ERG28: variants seen among roughly 807,000 people sequenced by gnomAD.
The protein encoded by ERG28 is ergosterol biosynthetic protein 28 homolog.
In ERG28, 9 loss-of-function variants were observed where a neutral mutation model predicts 15.7. The ratio of observed to expected loss-of-function variants is 0.57; its 90% confidence interval spans 0.35 to 1.00. ERG28 has a LOEUF of 1.00. Among genes scored for constraint, ERG28 ranks in the 50% least tolerant of loss-of-function variants. ERG28 has a pLI of 0.02. For synonymous variants in ERG28, 61 were observed against 68.4 expected, an observed-to-expected ratio of 0.89 and a Z score of 0.53; for missense variants, 117 against 173.3, an observed-to-expected ratio of 0.68 and a Z score of 1.82.
intron 1 of ERG28, among the ~76,000 whole-genome samples, chr14:75,658,887 C>A (rs942020421): frequency 2.4e-4 from 37 of 152,084 alleles, no homozygotes; most frequent in African/African-American, 8.9e-4. Context: ...GATAAAGCCT[C>A]TTTTCCTTTT....
chr14:75,652,136 C>T (rs1890534277), intron 3 of ERG28, among the ~76,000 whole-genome samples: 1 of 152,232 alleles, frequency 6.6e-6, no homozygotes, highest in Non-Finnish European at 1.5e-5. Flanking sequence ...ACGTCCAGGT[C>T]TCAGCAAAGT....
rs557219772 is a variant in ERG28, at chr14:75,658,962, T to C, written c.-31-1429A>G. ...GAGTTTAGGACTAGTAAGAAAATTA[T>C]ATAGCGAAGGAAACAGCAATCTTGG... is the stretch of plus-strand genomic sequence containing the variant. On this transcript the variant is annotated intron_variant, in intron 1 of 4. Coordinates refer to ENST00000256319, the MANE Select transcript of ERG28 (RefSeq NM_007176.4). Among the ~76,000 whole-genome samples the C allele has an allele frequency of 4.6e-5, 7 of 152,360 alleles. No homozygotes were observed. In the East Asian group the frequency reaches 1.2e-3, roughly 25 times the overall value.
At position 75,650,274 on chromosome 14, in the gene ERG28, T is replaced by A. The variant is rs558604373; in HGVS notation, c.*1281A>T. 6.4e-4 allele frequency: 98 copies of A among 152,416 alleles called. No homozygotes were observed. Among genetic ancestry groups the A allele is most frequent in the African/African-American group, 2.3e-3 (97 of 41,584 alleles). 9.4% of individuals were successfully genotyped at this position (152,416 alleles called of 1,614,324 possible). On this transcript the variant is annotated 3_prime_UTR_variant, in exon 5 of 5. Coordinates refer to ENST00000256319, the MANE Select transcript of ERG28 (RefSeq NM_007176.4). ...TACCTTGTGTTTGTTAGAGTTCTTA[T>A]CCCTATTTGAAGTTCTTTATTTTTG... is the stretch of plus-strand genomic sequence containing the variant.
intron 3 of ERG28, among the ~76,000 whole-genome samples, chr14:75,653,962 T>A (rs370645771): frequency 3.9e-5 from 5 of 128,272 alleles, no homozygotes; most frequent in Admixed American, 7.6e-5. Context: ...AAAAAAAAAA[T>A]AAGGTTGAAG....
At chr14:75,658,440 G>C (rs1890626466) in intron 1 of ERG28, among the ~76,000 whole-genome samples, 2 of 152,106 alleles carry the variant, frequency 1.3e-5, no homozygotes, top group African/African-American at 4.8e-5. Flanking sequence ...CACAGAGGCT[G>C]ACTACCTGAC....
chr14:75,653,551 G>C (rs1474566124), intron 3 of ERG28, among the ~76,000 whole-genome samples: 2 of 151,614 alleles, frequency 1.3e-5, no homozygotes, highest in Non-Finnish European at 2.9e-5. Context: ...GAGGTTGCAG[G>C]GAGCTGAGAT....
chr14:75,655,193 T>G (rs1890582116), intron 2 of ERG28, among the ~76,000 whole-genome samples: 1 of 152,126 alleles, frequency 6.6e-6, no homozygotes, highest in Non-Finnish European at 1.5e-5. Flanking sequence ...ATGTCTACAG[T>G]TGGAAGGGAA....
At chr14:75,658,349 A>G (rs1434842146) in intron 1 of ERG28, among the ~76,000 whole-genome samples, 2 of 151,994 alleles carry the variant, frequency 1.3e-5, no homozygotes, top group African/African-American at 4.8e-5. Context: ...ATTCTGCCAC[A>G]AGGTTTTTTT....
At chr14:75,660,523 C>T (rs181314850) in intron 1 of ERG28, among the ~76,000 whole-genome samples, 1 of 152,294 alleles carries the variant, frequency 6.6e-6, no homozygotes, top group East Asian at 1.9e-4. Flanking sequence ...AAAGTGAAGG[C>T]TCTTTGTACA....
chr14:75,651,699 G>T (rs1890528445), intron 4 of ERG28, 65 bp from the exon 5 acceptor site: 3 of 1,590,954 alleles, frequency 1.9e-6, no homozygotes, highest in Non-Finnish European at 2.6e-6. Flanking sequence ...TCTCTCTCCT[G>T]TGTCCACCCT....
At chr14:75,652,107 G>A (rs1439377628) in intron 3 of ERG28, among the ~76,000 whole-genome samples, 1 of 152,260 alleles carries the variant, frequency 6.6e-6, no homozygotes. Flanking sequence ...GAGGAGAATG[G>A]TTCAGGCATC....
chr14:75,652,128 G>A (rs970857352), intron 3 of ERG28, among the ~76,000 whole-genome samples: 2 of 152,240 alleles, frequency 1.3e-5, no homozygotes, highest in African/African-American at 2.4e-5. Context: ...CAGAATGAAC[G>A]TCCAGGTCTC....
At chr14:75,652,050 G>A (rs7141947) in intron 3 of ERG28, among the ~76,000 whole-genome samples, 161 bp from the exon 4 acceptor site, 5,375 of 152,272 alleles carry the variant, frequency 0.035, 140 homozygotes, top group African/African-American at 0.059. Flanking sequence ...TGATCACAAC[G>A]ATATTCTCAT....
chr14:75,654,738 A>G, intron 3 of ERG28, 148 bp downstream of exon 3: 1 of 880,606 alleles, frequency 1.1e-6, no homozygotes, highest in Non-Finnish European at 1.8e-6. Flanking sequence ...CTAGGCTTGG[A>G]GGGAATGTAA....
At chr14:75,658,589 G>A (rs922251843) in intron 1 of ERG28, among the ~76,000 whole-genome samples, 4 of 152,176 alleles carry the variant, frequency 2.6e-5, no homozygotes, top group African/African-American at 9.7e-5. Context: ...TTGGTGTCCT[G>A]AAAAGACTTT....
chr14:75,655,018 T>A (rs950987645), intron 2 of ERG28, 42 bp from the exon 3 acceptor site: 1 of 1,562,452 alleles, frequency 6.4e-7, no homozygotes, highest in African/African-American at 1.4e-5. Flanking sequence ...AAGGGGAGAC[T>A]TGAGGTTCCT....
At chr14:75,653,405 C>T (rs558510213) in intron 3 of ERG28, among the ~76,000 whole-genome samples, 2 of 151,696 alleles carry the variant, frequency 1.3e-5, no homozygotes, top group South Asian at 4.2e-4. Flanking sequence ...AGTTCGAGAC[C>T]AGCCTGGCCA....
chr14:75,653,859 AC>A (rs1459562455), intron 3 of ERG28, among the ~76,000 whole-genome samples: 1 of 152,132 alleles, frequency 6.6e-6, no homozygotes, highest in Non-Finnish European at 1.5e-5. Context: ...CTAGTTACCA[AC>A]AGAACTGGGC....
intron 1 of ERG28, among the ~76,000 whole-genome samples, chr14:75,660,170 A>G (rs1203826344): frequency 6.6e-6 from 1 of 152,242 alleles, no homozygotes; most frequent in Non-Finnish European, 1.5e-5. Context: ...GTTATCTGTT[A>G]GAAATCCCAA....
Sources: gnomAD v4.1 joint callset for allele counts (sites outside exome capture counted in the v4.1 genomes callset) on GRCh38, gnomAD v4.1.1 for gene constraint, MANE v1.5 for transcripts, NCBI Gene and HGNC (gene_info 2026-07-23, HGNC 2026-07-21) for gene names.